The following PLXDC2 variants were observed in gnomAD, a reference collection of about 807,000 sequenced individuals.
PLXDC2 encodes the protein plexin domain containing 2.
In PLXDC2, 40 loss-of-function variants were observed where a neutral mutation model predicts 68.9. That is an observed-to-expected ratio of 0.58 (90% CI 0.45 to 0.76). The LOEUF (loss-of-function observed/expected upper bound fraction) is 0.76, where lower values mean the gene tolerates loss of function less well. PLXDC2 is among the 30% of genes least tolerant of loss of function. PLXDC2 has a pLI of 0.00. For synonymous variants in PLXDC2, 243 were observed against 234.2 expected, an observed-to-expected ratio of 1.04 and a Z score of -0.34; for missense variants, 644 against 661.9, an observed-to-expected ratio of 0.97 and a Z score of 0.30.
chr10:20,207,736 T>C (rs1433747470), intron 9 of PLXDC2, among the ~76,000 whole-genome samples: 1 of 152,178 alleles, frequency 6.6e-6, no homozygotes, highest in African/African-American at 2.4e-5. Context: ...GAGATGGCCT[T>C]GACCAACTGG....
intron 4 of PLXDC2, among the ~76,000 whole-genome samples, chr10:20,113,805 G>A (rs906801738): frequency 6.6e-6 from 1 of 151,844 alleles, no homozygotes; most frequent in Non-Finnish European, 1.5e-5. Context: ...TCTCCTTAAT[G>A]TGGTGCTTAT....
At chr10:20,254,945 A>G (rs1005374632) in intron 13 of PLXDC2, among the ~76,000 whole-genome samples, 3 of 152,202 alleles carry the variant, frequency 2.0e-5, no homozygotes, top group Non-Finnish European at 4.4e-5. Context: ...TATAAATGAC[A>G]TCCTTAATTT....
chr10:19,996,861 T>G (rs1269953543), intron 1 of PLXDC2, among the ~76,000 whole-genome samples: 1 of 152,086 alleles, frequency 6.6e-6, no homozygotes, highest in Non-Finnish European at 1.5e-5. Flanking sequence ...AAACTTCCCC[T>G]TATAGAACCA....
chr10:19,823,831 TTTTTGTTTTG>T (rs553666963), intron 1 of PLXDC2, among the ~76,000 whole-genome samples: 2 of 151,808 alleles, frequency 1.3e-5, no homozygotes, highest in Non-Finnish European at 2.9e-5. Context: ...CTCTACAGTT[TTTTTGTTTTG>T]TTTTGTTTTG....
chr10:20,005,615 T>C (rs1835014047), intron 2 of PLXDC2, among the ~76,000 whole-genome samples: 4 of 152,062 alleles, frequency 2.6e-5, no homozygotes, highest in Admixed American at 2.6e-4. Context: ...GTTTCAACCA[T>C]GGCAGGAGGT....
chr10:20,021,822 C>T (rs1835314721), intron 2 of PLXDC2, among the ~76,000 whole-genome samples: 1 of 152,042 alleles, frequency 6.6e-6, no homozygotes, highest in Non-Finnish European at 1.5e-5. Context: ...TCTCAGCCTC[C>T]CAAGTAGCTG....
intron 2 of PLXDC2, among the ~76,000 whole-genome samples, chr10:20,016,727 A>C (rs933794006): frequency 6.6e-6 from 1 of 152,208 alleles, no homozygotes; most frequent in African/African-American, 2.4e-5. Flanking sequence ...ATCAAAGCTC[A>C]AGCTACCTGC....
chr10:20,158,501 CAAAAAAAAAAA>C (rs59079629), intron 6 of PLXDC2, among the ~76,000 whole-genome samples: 11 of 118,770 alleles, frequency 9.3e-5, no homozygotes, highest in Non-Finnish European at 1.6e-4. Context: ...TCTGTCTCTG[CAAAAAAAAAAA>C]AAAAAAAAAA....
rs1835309840 is a variant in PLXDC2 at position 20,228,057 on chromosome 10, G to A, written c.1312+8955G>A. Among the ~76,000 whole-genome samples the A allele has an allele frequency of 2.6e-5, 4 of 152,138 alleles. No individual in the cohort carries two copies. In the South Asian group the frequency reaches 8.3e-4, roughly 32 times the overall value. Reference sequence around the variant, plus strand: ...GGTGGACAGTGGTGCCATTGAATAGGAAATACAGGAAGAGAAAGGGGGTAA... The same window carrying A: ...GGTGGACAGTGGTGCCATTGAATAGAAAATACAGGAAGAGAAAGGGGGTAA... On this transcript the variant is annotated intron_variant, in intron 12 of 13. Transcript: ENST00000377252.
chr10:19,940,518 T>A (rs1564634273), intron 1 of PLXDC2, among the ~76,000 whole-genome samples: 1 of 150,816 alleles, frequency 6.6e-6, no homozygotes, highest in Non-Finnish European at 1.5e-5. Context: ...TGAGCACATC[T>A]CATTACTTAT....
intron 1 of PLXDC2, among the ~76,000 whole-genome samples, chr10:19,891,318 T>C (rs1837958323): frequency 6.6e-6 from 1 of 152,214 alleles, no homozygotes; most frequent in African/African-American, 2.4e-5. Flanking sequence ...TGGCTTTCCA[T>C]TTTTCTGTGT....
At chr10:19,967,752 A>G (rs551171008) in intron 1 of PLXDC2, among the ~76,000 whole-genome samples, 22 of 152,320 alleles carry the variant, frequency 1.4e-4, no homozygotes, top group African/African-American at 5.1e-4. Context: ...TAAAGCAGAG[A>G]AAACAGTAAA....
intron 1 of PLXDC2, among the ~76,000 whole-genome samples, chr10:19,961,177 T>A (rs1369084376): frequency 1.3e-5 from 2 of 152,232 alleles, no homozygotes; most frequent in East Asian, 3.8e-4. Flanking sequence ...ATTGCATTGT[T>A]CTCCTGGAGA....
Position 20,051,881 on chromosome 10 carries a change from G to A in PLXDC2, c.471+4866G>A, listed in dbSNP as rs79741066. ...AGTTGTTACAGGCCTTATGGTCTCT[G>A]TCACAACTACTTGACTCTACTGTTA... On this transcript the variant is annotated intron_variant, in intron 3 of 13. Coordinates refer to ENST00000377252, the MANE Select transcript of PLXDC2 (RefSeq NM_032812.9). Among the ~76,000 whole-genome samples, 567 of 152,042 alleles carry A rather than the reference G, an allele frequency of 3.7e-3. 6 individuals are homozygous for A. Among genetic ancestry groups the A allele is most frequent in the African/African-American group, 0.013 (531 of 41,514 alleles).
chr10:20,010,999 A>T (rs1835103395), intron 2 of PLXDC2, among the ~76,000 whole-genome samples: 1 of 152,210 alleles, frequency 6.6e-6, no homozygotes. Flanking sequence ...CTTTGCCTAT[A>T]CTAATTTCCA....
At chr10:20,095,319 C>T (rs1274031265) in intron 4 of PLXDC2, among the ~76,000 whole-genome samples, 6 of 152,064 alleles carry the variant, frequency 3.9e-5, no homozygotes, top group Non-Finnish European at 8.8e-5. Flanking sequence ...TACAGGCTTG[C>T]AATTTCCTAG....
chr10:19,853,289 A>G (rs1001287590), intron 1 of PLXDC2, among the ~76,000 whole-genome samples: 2 of 152,222 alleles, frequency 1.3e-5, no homozygotes, highest in East Asian at 1.9e-4. Flanking sequence ...TAAGAACTGC[A>G]AAGAATGTGA....
At chr10:19,825,768 A>T (rs1437645784) in intron 1 of PLXDC2, among the ~76,000 whole-genome samples, 1 of 152,162 alleles carries the variant, frequency 6.6e-6, no homozygotes, top group Non-Finnish European at 1.5e-5. Context: ...GCTCATGCTG[A>T]ATCTATTATA....
chr10:19,973,311 CACAT>C (rs1171980503), intron 1 of PLXDC2, among the ~76,000 whole-genome samples: 1 of 58,016 alleles, frequency 1.7e-5, no homozygotes, highest in Non-Finnish European at 3.6e-5. Context: ...TATATATACT[CACAT>C]ATATATGTAT....
Sources: allele counts gnomAD v4.1 joint callset (sites outside exome capture counted in the v4.1 genomes callset), GRCh38; gene constraint gnomAD v4.1.1; transcripts MANE v1.5; gene names NCBI Gene and HGNC (gene_info 2026-07-23, HGNC 2026-07-21).